Variants in NRXN1 observed in about 807,000 individuals in gnomAD.
NRXN1 encodes the protein neurexin-1.
NRXN1 carries 39 observed loss-of-function variants against 150.9 expected under a neutral mutation model. The ratio of observed to expected loss-of-function variants is 0.26; its 90% CI spans 0.20 to 0.34. The LOEUF is 0.34. NRXN1 is among the 10% of genes least tolerant of loss of function. The pLI, the probability that NRXN1 is intolerant of heterozygous loss-of-function variation, is 1.00. For missense variants in NRXN1, 1,815 were observed against 1,949.9 expected, an observed-to-expected ratio of 0.93 and a Z score of 1.30; for synonymous variants, 924 against 757.0, an observed-to-expected ratio of 1.22 and a Z score of -3.62.
At chr2:50,589,189 G>A (rs367694125) in intron 8 of NRXN1, 12 of 152,484 alleles carry the variant, frequency 7.9e-5, no homozygotes, top group African/African-American at 2.9e-4. Flanking sequence ...GGACTGGAAG[G>A]GAGAGGAGGA....
intron 2 of NRXN1, among the ~76,000 whole-genome samples, chr2:50,954,236 C>T (rs1691901475): frequency 6.6e-6 from 1 of 152,146 alleles, no homozygotes; most frequent in African/African-American, 2.4e-5. Context: ...AAATGAAAGT[C>T]AAACAGTATG....
chr2:50,863,700 C>T (rs1282878313), intron 5 of NRXN1, among the ~76,000 whole-genome samples: 1 of 151,990 alleles, frequency 6.6e-6, no homozygotes, highest in Non-Finnish European at 1.5e-5. Flanking sequence ...TTCCCCTCCT[C>T]TCCCTATTAT....
At chr2:50,099,794 T>C (rs1469257258) in intron 18 of NRXN1, among the ~76,000 whole-genome samples, 1 of 152,150 alleles carries the variant, frequency 6.6e-6, no homozygotes, top group Non-Finnish European at 1.5e-5. Flanking sequence ...GGCTGAGACT[T>C]GGCCAAAGTC....
rs1054221025 is a variant in NRXN1, at chr2:50,301,808, T to C, written c.3365-64838A>G. On this transcript the variant is annotated intron_variant, in intron 17 of 22. Transcript: ENST00000401669. The stretch of plus-strand genomic sequence containing the variant: ...ATTGCCTATTTGTTTTCCATTCTAT[T>C]AGCATGGTGCCTACTAAGTGCCAGG... 3.3e-5 allele frequency among the ~76,000 whole-genome samples: 5 copies of C among 152,184 alleles called. 1 individual carries two copies. Among genetic ancestry groups the C allele is most frequent in the Admixed American group, 2.6e-4 (4 of 15,276 alleles).
chr2:50,428,613 G>C (rs1386325693), intron 17 of NRXN1, among the ~76,000 whole-genome samples: 1 of 152,182 alleles, frequency 6.6e-6, no homozygotes, highest in Admixed American at 6.5e-5. Flanking sequence ...TATGATTAGA[G>C]GCGGGACGGG....
intron 5 of NRXN1, among the ~76,000 whole-genome samples, chr2:50,668,859 G>A (rs764521200): frequency 2.6e-5 from 4 of 151,956 alleles, no homozygotes; most frequent in Non-Finnish European, 1.5e-5. Context: ...TGGGGTGAGA[G>A]AAATGAAGGA....
intron 15 of NRXN1, among the ~76,000 whole-genome samples, chr2:50,492,971 T>C (rs1054913142): frequency 6.6e-6 from 1 of 152,158 alleles, no homozygotes; most frequent in African/African-American, 2.4e-5. Flanking sequence ...CTGCCTTGGT[T>C]GGTCTGAGAT....
intron 9 of NRXN1, among the ~76,000 whole-genome samples, chr2:50,543,226 C>G (rs1169708694): frequency 1.3e-5 from 2 of 151,914 alleles, no homozygotes; most frequent in East Asian, 1.9e-4. Flanking sequence ...TACATTCTAC[C>G]CCTTCTACTG....
chr2:50,017,010 T>C (rs1489250312), intron 21 of NRXN1, among the ~76,000 whole-genome samples: 1 of 152,134 alleles, frequency 6.6e-6, no homozygotes, highest in East Asian at 1.9e-4. Flanking sequence ...AAACTATCTA[T>C]ATTTGTTCTT....
At chr2:50,195,137 T>G (rs1209628956) in intron 18 of NRXN1, among the ~76,000 whole-genome samples, 1 of 152,184 alleles carries the variant, frequency 6.6e-6, no homozygotes, top group East Asian at 1.9e-4. Flanking sequence ...TGGTCAGCAG[T>G]TCTTTTCTGG....
rs1682594732 is a variant in NRXN1 at position 50,632,917 on chromosome 2, A to G, written c.833-9302T>C. 3 of 152,074 alleles carry G rather than the reference A, an allele frequency of 2.0e-5. No homozygotes were observed. The South Asian group carries it at 6.2e-4, about 31-fold the overall frequency. The allele number at this position is 152,074 out of a possible 1,614,324, so 9.4% of individuals were successfully genotyped here. A position where few individuals can be genotyped will look rare whatever the true frequency, so the allele number is the denominator to read the frequency against. On this transcript the variant is annotated intron_variant, in intron 5 of 22. Coordinates refer to ENST00000401669, the MANE Select transcript of NRXN1 (RefSeq NM_001330078.2). ...AGAGTCCAGGCTTTAAATCATTGGA[A>G]GCAATCTCTCAATTTTTATTCTCAA...
At chr2:50,374,342 A>AAATAAAT (rs2080330264) in intron 17 of NRXN1, among the ~76,000 whole-genome samples, 1 of 127,010 alleles carries the variant, frequency 7.9e-6, no homozygotes, top group East Asian at 3.0e-4. Flanking sequence ...AATAAATAAA[A>AAATAAAT]TTGGGTGATG....
chr2:50,943,266 A>T (rs146138152), intron 2 of NRXN1, among the ~76,000 whole-genome samples: 42 of 152,298 alleles, frequency 2.8e-4, no homozygotes, highest in African/African-American at 9.4e-4. Context: ...AGCAGTGTAA[A>T]AATAAACTAA....
chr2:50,531,571 T>G (rs1263907389), intron 10 of NRXN1, 141 bp from the exon 11 acceptor site: 1 of 685,730 alleles, frequency 1.5e-6, no homozygotes, highest in Non-Finnish European at 2.4e-6. Flanking sequence ...TCTTCAGAAA[T>G]AAACAAAACT....
At chr2:51,006,040 A>C (rs1314872848) in intron 2 of NRXN1, among the ~76,000 whole-genome samples, 1 of 151,768 alleles carries the variant, frequency 6.6e-6, no homozygotes, top group East Asian at 2.0e-4. Flanking sequence ...AAAAGAGACA[A>C]ATCTACATTT....
At chr2:50,866,816 C>G (rs548075936) in intron 5 of NRXN1, among the ~76,000 whole-genome samples, 1 of 151,968 alleles carries the variant, frequency 6.6e-6, no homozygotes, top group South Asian at 2.1e-4. Context: ...AGCACACTTT[C>G]CTTAAGGAAA....
At chr2:50,278,074 T>C (rs1438205266) in intron 17 of NRXN1, among the ~76,000 whole-genome samples, 1 of 139,370 alleles carries the variant, frequency 7.2e-6, no homozygotes, top group Non-Finnish European at 1.5e-5. Context: ...TCTCTTTTTT[T>C]TTTTTTTTTT....
At chr2:50,141,274 A>G (rs1366502871) in intron 18 of NRXN1, among the ~76,000 whole-genome samples, 1 of 152,102 alleles carries the variant, frequency 6.6e-6, no homozygotes, top group Admixed American at 6.6e-5. Context: ...GAATTACATT[A>G]GATCCCTATC....
intron 5 of NRXN1, among the ~76,000 whole-genome samples, chr2:50,759,368 G>A (rs1210779022): frequency 1.3e-5 from 2 of 151,806 alleles, no homozygotes; most frequent in East Asian, 3.9e-4. Flanking sequence ...TTCTTAAAAA[G>A]CCATGTATCT....
Sources: gnomAD v4.1 joint callset for allele counts (sites outside exome capture counted in the v4.1 genomes callset) on GRCh38, gnomAD v4.1.1 for gene constraint, MANE v1.5 for transcripts, NCBI Gene and HGNC (gene_info 2026-07-23, HGNC 2026-07-21) for gene names.